UBA7: variants seen among roughly 807,000 people sequenced by gnomAD.
UBA7 encodes the protein ubiquitin-like modifier-activating enzyme 7.
Under a neutral mutation model 113.0 loss-of-function variants are expected in UBA7, and 88 were observed. The ratio of observed to expected loss-of-function variants is 0.78; its 90% CI spans 0.66 to 0.93. The LOEUF is 0.93. Among genes scored for constraint, UBA7 ranks in the 40% least tolerant of loss-of-function variants. The pLI, the probability that UBA7 is intolerant of heterozygous loss-of-function variation, is 0.00. For synonymous variants in UBA7, 459 were observed against 513.0 expected (o/e 0.89, Z 1.42); for missense variants, 1,092 against 1,266.4 (o/e 0.86, Z 2.09).
rs753694071 is a variant in UBA7 at position 49,813,074 on chromosome 3, C to T, written c.455G>A (p.Arg152Gln). 26 of 1,613,292 alleles carry T rather than the reference C, an allele frequency of 1.6e-5. No homozygotes were observed. The highest frequency in any genetic ancestry group is 6.7e-5 in the Admixed American group (4 of 59,980). The change falls in exon 4 of 24, where the codon CGG becomes CAG. Residue 152 changes from arginine (R) to glutamine (Q), a missense_variant. By Grantham distance (43) the Arg-to-Gln change is conservative. Coordinates refer to ENST00000333486, the MANE Select transcript of UBA7 (RefSeq NM_003335.3). ...HGVCFLAADT[R>Q]GLVGQLFCDF... ...CAGTCTTACTCACCCCACGAGGCCC[C>T]GGGTGTCAGCCGCCAGAAAGCAAAC...
rs1024670920 is a variant in UBA7, at chr3:49,809,722, T to C, written c.1908A>G (p.Ala636=). ...SAETINHHQQ[A]HTSLADMDEP... is the part of the protein sequence containing the mutation. ...CATCCATGTCTGCCAGGGAAGTGTG[T>C]GCCCTGCAGAGAGAGGAGGAAGTGT... Residue 636 remains alanine, a synonymous_variant, in exon 16 of 24, where the codon GCA becomes GCG. Transcript: ENST00000333486. 5.6e-6 allele frequency: 9 copies of C among 1,613,970 alleles called. No individual in the cohort carries two copies. The highest frequency in any genetic ancestry group is 3.3e-5 in the Admixed American group (2 of 60,000).
rs2234377 is a variant in UBA7 at position 49,813,571 on chromosome 3, C to T, written c.133G>A (p.Ala45Thr). 31 of 1,614,080 alleles carry T rather than the reference C, an allele frequency of 1.9e-5. No individual in the cohort carries two copies. In the East Asian group the frequency reaches 6.5e-4, roughly 34 times the overall value. Residue 45 changes from alanine (A) to threonine (T), a missense_variant, in exon 2 of 24, where the codon GCC becomes ACC. Physicochemically the swap from Ala to Thr is moderately conservative, Grantham distance 58. Coordinates refer to ENST00000333486, the MANE Select transcript of UBA7 (RefSeq NM_003335.3). ...VLVSGLQGLGAEVAKNLVLMG... is the reference protein window; with the variant it reads ...VLVSGLQGLGTEVAKNLVLMG... ...AGAACCAAGTTCTTGGCCACCTCGG[C>T]CCCCAGGCCCTGCAGGCCTGACACC...
intron 23 of UBA7, 40 bp from the exon 24 acceptor site, chr3:49,805,477 C>T: frequency 6.3e-7 from 1 of 1,596,914 alleles, no homozygotes; most frequent in Non-Finnish European, 8.6e-7. Context: ...AGAGGTGAGC[C>T]ATGGCAAGCA....
Position 49,809,415 on chromosome 3 carries a change from T to A in UBA7, c.2138A>T (p.Gln713Leu), listed in dbSNP as rs1220013494. The A allele has an allele frequency of 6.2e-7, 1 of 1,614,182 alleles. No individual in the cohort carries two copies. The highest frequency in any genetic ancestry group is 8.5e-7 in the Non-Finnish European group (1 of 1,180,014). ...TTGGTTGGTGTCAAACTCCAAGGGC[T>A]GGGGACACTGTTTGGGACCTGACCA... ...PFWSGPKQCP[Q>L]PLEFDTNQDT... Residue 713 changes from glutamine to leucine, a missense_variant, in exon 17 of 24, where the codon CAG becomes CTG. Gln to Leu is a moderately radical substitution (Grantham distance 113). Transcript: ENST00000333486.
intron 8 of UBA7, 22 bp downstream of exon 8, chr3:49,811,848 T>A: frequency 1.2e-6 from 2 of 1,608,924 alleles, no homozygotes; most frequent in Non-Finnish European, 8.5e-7. Flanking sequence ...AGGCTGGGGG[T>A]GGGAGCAACA....
chr3:49,805,399 G>A lies in UBA7; in HGVS notation c.2948C>T (p.Pro983Leu), dbSNP rs2081432012. 1 of 1,613,628 alleles carries A rather than the reference G, an allele frequency of 6.2e-7. No individual in the cohort carries two copies. Among genetic ancestry groups the A allele is most frequent in the African/African-American group, 1.3e-5 (1 of 74,774 alleles). ...CACCAACACCCGCTGCCCAGGAGCA[G>A]GTGCCTGGCCTGTCAGCTGCTGAAC... ...ELVQQLTGQA[P>L]APGQRVLVLE... Residue 983 changes from proline to leucine, a missense_variant, in exon 24 of 24, where the codon CCT becomes CTT. Around this residue, in one of 3 missense-constraint regions of UBA7, gnomAD observed 500 missense variants for 529.3 expected, o/e 0.94. Transcript: ENST00000333486.
chr3:49,807,364 G>A lies in UBA7; in HGVS notation c.2715+372C>T, dbSNP rs916661232. 7.2e-5 allele frequency among the ~76,000 whole-genome samples: 11 copies of A among 152,174 alleles called. No homozygotes were observed. The highest frequency in any genetic ancestry group is 2.2e-4 in the African/African-American group (9 of 41,424). On this transcript the variant is annotated intron_variant, in intron 21 of 23. Coordinates refer to ENST00000333486, the MANE Select transcript of UBA7 (RefSeq NM_003335.3). This position sits in a 1 kb window ranked among gnomAD's most constrained non-coding sequence, Gnocchi z 4.0. The stretch of plus-strand genomic sequence containing the variant: ...TTGTAGGAGGTAGGCCAGGGCCCCC[G>A]TACCATGCAGGGGGAAGCTAGACTC...
chr3:49,807,734 A>G lies in UBA7; in HGVS notation c.2715+2T>C. 6.2e-7 allele frequency: 1 copy of G among 1,602,664 alleles called. No homozygotes were observed. Among genetic ancestry groups the G allele is most frequent in the South Asian group, 1.1e-5 (1 of 88,910 alleles). On this transcript the variant is annotated splice_donor_variant, in intron 21 of 23. Coordinates refer to ENST00000333486, the MANE Select transcript of UBA7 (RefSeq NM_003335.3). LOFTEE classifies it high-confidence loss of function. The surrounding 1 kb of genome is among the most constrained non-coding windows in gnomAD (Gnocchi z 4.0). ...GCTAAGGGTGGGGTATCATGGGCTCACCGTCTGGATGGCTGGGGCAAAAGG... is the reference window on the plus strand; with the variant it reads ...GCTAAGGGTGGGGTATCATGGGCTCGCCGTCTGGATGGCTGGGGCAAAAGG...
rs747873926 is a variant in UBA7, at chr3:49,809,591, C to G, written c.2039G>C (p.Cys680Ser). 1.2e-6 allele frequency: 2 copies of G among 1,614,092 alleles called. No homozygotes were observed. The highest frequency in any genetic ancestry group is 3.3e-5 in the Admixed American group (2 of 60,018). Residue 680 changes from cysteine to serine, a missense_variant, in exon 16 of 24, where the codon TGC becomes TCC. Physicochemically the swap from Cys to Ser is moderately radical, Grantham distance 112. Around this residue, in one of 3 missense-constraint regions of UBA7, gnomAD observed 500 missense variants for 529.3 expected, o/e 0.94. Coordinates refer to ENST00000333486, the MANE Select transcript of UBA7 (RefSeq NM_003335.3). The part of the protein sequence containing the change: ...VAWALGHWKL[C>S]FHYGIKQLLR... ...CAGCTGTTTGATGCCATAATGAAAG[C>G]AGAGTTTCCAGTGGCCAAGAGCCCA...
chr3:49,809,270 T>C (rs2081502968), intron 17 of UBA7, 111 bp from the exon 18 acceptor site: 1 of 1,532,798 alleles, frequency 6.5e-7, no homozygotes, highest in Non-Finnish European at 8.9e-7. Flanking sequence ...TAGACACCCA[T>C]ATATGCACAA....
At chr3:49,813,437 C>T (rs755160892) in intron 2 of UBA7, 42 bp downstream of exon 2, 1 of 1,608,866 alleles carries the variant, frequency 6.2e-7, no homozygotes, top group East Asian at 2.2e-5. Context: ...GGGCCGTGCC[C>T]CCACCTTGGT....
chr3:49,813,736 G>T lies in UBA7; in HGVS notation c.52C>A (p.Gln18Lys). The T allele has an allele frequency of 1.2e-6, 2 of 1,614,252 alleles. No homozygotes were observed. Among genetic ancestry groups the T allele is most frequent in the Non-Finnish European group, 1.7e-6 (2 of 1,180,048 alleles). Residue 18 changes from glutamine (Q) to lysine (K), a missense_variant, in exon 1 of 24, where the codon CAG becomes AAG. By Grantham distance (53) the Gln-to-Lys change is moderately conservative (BLOSUM62 1). Around this residue, in one of 3 missense-constraint regions of UBA7, gnomAD observed 584 missense variants for 714.5 expected, o/e 0.82. Transcript: ENST00000333486. ...KLLDEELYSRQLYVLGSPAMQ... is the reference protein window; with the variant it reads ...KLLDEELYSRKLYVLGSPAMQ... ...ACCCCCCACCTCGGGCCTCACAGCT[G>T]TCTTGAATACAGCTCCTCATCCAGT...
intron 4 of UBA7, 133 bp from the exon 5 acceptor site, chr3:49,812,871 G>A (rs550736823): frequency 6.5e-6 from 8 of 1,230,654 alleles, no homozygotes; most frequent in Admixed American, 6.0e-5. Context: ...GAATTTGAGA[G>A]GGTTACTGGA....
rs1306329531 is a variant in UBA7, at chr3:49,805,269, CG to C, written c.*38del. 1 of 1,594,704 alleles carries C rather than the reference CG, an allele frequency of 6.3e-7. No homozygotes were observed. Among genetic ancestry groups the C allele is most frequent in the Non-Finnish European group, 8.6e-7 (1 of 1,164,782 alleles). On this transcript the variant is annotated 3_prime_UTR_variant, in exon 24 of 24. Coordinates refer to ENST00000333486, the MANE Select transcript of UBA7 (RefSeq NM_003335.3). ...GGCTTACAATGCAGGGCTTGGGATC[CG>C]GGGCTCCATTGAGCTAGGTGACAGG...
In UBA7 at chr3:49,811,891, C is replaced by T; in HGVS notation, c.918G>A (p.Arg306=). 6.2e-7 allele frequency: 1 copy of T among 1,613,750 alleles called. No homozygotes were observed. ...TCACAGGATCCCAGGGCTGGGGTGG[C>T]CGGCCATGGAGGTGCTGGAACTTGT... is the stretch of plus-strand genomic sequence containing the variant. ...ALHKFQHLHG[R]PPQPWDPVDA... Residue 306 remains arginine (R), a synonymous_variant, in exon 8 of 24, where the codon CGG becomes CGA. Coordinates refer to ENST00000333486, the MANE Select transcript of UBA7 (RefSeq NM_003335.3).
rs2230149 is a variant in UBA7 at position 49,808,093 on chromosome 3, T to C, written c.2450A>G (p.His817Arg). ...MFEKDDDSNFHVDFVVAAASL... is the reference protein window; with the variant it reads ...MFEKDDDSNFRVDFVVAAASL... ...AGCTGCCGCTACCACAAAGTCCACA[T>C]GGAAGTTGCTGTCATCATCCTGTAA... Residue 817 changes from histidine (H) to arginine (R), a missense_variant, in exon 20 of 24, where the codon CAT becomes CGT. By Grantham distance (29) the His-to-Arg change is conservative. Coordinates refer to ENST00000333486, the MANE Select transcript of UBA7 (RefSeq NM_003335.3). The C allele has an allele frequency of 4.2e-3, 6,804 of 1,614,082 alleles. 245 individuals carry two copies. In the African/African-American group the frequency reaches 0.077, roughly 18 times the overall value.
Position 49,805,491 on chromosome 3 carries a change from G to A in UBA7, c.2910-54C>T, listed in dbSNP as rs1008082520. 14 of 1,555,566 alleles carry A rather than the reference G, an allele frequency of 9.0e-6. No homozygotes were observed. The Admixed American group carries it at 1.9e-4, about 21-fold the overall frequency. On this transcript the variant is annotated intron_variant, in intron 23 of 23. Coordinates refer to ENST00000333486, the MANE Select transcript of UBA7 (RefSeq NM_003335.3). Reference sequence around the variant, plus strand: ...GAGAGGTGAGCCATGGCAAGCAGAAGGCAGCCTGGCATGGACTAGAGAGGG... The same window carrying A: ...GAGAGGTGAGCCATGGCAAGCAGAAAGCAGCCTGGCATGGACTAGAGAGGG...
chr3:49,810,549 G>A lies in UBA7; in HGVS notation c.1435C>T (p.Arg479Cys), dbSNP rs137907013. 401 of 1,614,150 alleles carry A rather than the reference G, an allele frequency of 2.5e-4. No individual in the cohort carries two copies. The highest frequency in any genetic ancestry group is 3.2e-4 in the Non-Finnish European group (383 of 1,180,010). Reference protein sequence around the residue: ...MDHIERSNLSRQFLFRSQDVG... With the variant: ...MDHIERSNLSCQFLFRSQDVG... ...TCCTGGGACCTGAAGAGGAACTGAC[G>A]GCTGAGATTGGAGCGCTCTATGTGG... The change falls in exon 12 of 24, where the codon CGT becomes TGT. Residue 479 changes from arginine to cysteine, a missense_variant. Physicochemically the swap from Arg to Cys is radical, Grantham distance 180 (BLOSUM62 -3). Coordinates refer to ENST00000333486, the MANE Select transcript of UBA7 (RefSeq NM_003335.3). The surrounding 1 kb of genome is among the most constrained non-coding windows in gnomAD (Gnocchi z 5.6).
chr3:49,809,606 C>T lies in UBA7; in HGVS notation c.2024G>A (p.Gly675Asp). 1 of 1,614,142 alleles carries T rather than the reference C, an allele frequency of 6.2e-7. No homozygotes were observed. The highest frequency in any genetic ancestry group is 8.5e-7 in the Non-Finnish European group (1 of 1,180,044). The change falls in exon 16 of 24, where the codon GGC becomes GAC. Residue 675 changes from glycine (G) to aspartate (D), a missense_variant. By Grantham distance (94) the Gly-to-Asp change is moderately conservative. Coordinates refer to ENST00000333486, the MANE Select transcript of UBA7 (RefSeq NM_003335.3). Reference protein sequence around the residue: ...NWQDCVAWALGHWKLCFHYGI... With the variant: ...NWQDCVAWALDHWKLCFHYGI... ...ATAATGAAAGCAGAGTTTCCAGTGG[C>T]CAAGAGCCCACGCCACACAGTCTTG...
Sources: allele counts gnomAD v4.1 joint callset (sites outside exome capture counted in the v4.1 genomes callset), GRCh38; gene constraint gnomAD v4.1.1; regional missense constraint gnomAD v4.1.1; non-coding constraint Gnocchi (gnomAD v3.1); transcripts MANE v1.5; gene names NCBI Gene and HGNC (gene_info 2026-07-23, HGNC 2026-07-21).